The following KIF25 variants were observed in gnomAD, a reference collection of about 807,000 sequenced individuals.
KIF25 encodes the protein kinesin family member 25.
In KIF25, 19 loss-of-function variants were observed where a neutral mutation model predicts 32.9. The ratio of observed to expected loss-of-function variants is 0.58; its 90% CI spans 0.40 to 0.85. The LOEUF (loss-of-function observed/expected upper bound fraction) is 0.85, where lower values mean the gene tolerates loss of function less well. KIF25 is among the 40% of genes least tolerant of loss of function. KIF25 has a pLI of 0.00. For synonymous variants in KIF25, 225 were observed against 213.7 expected (o/e 1.05, Z -0.46); for missense variants, 485 against 507.0 (o/e 0.96, Z 0.42).
Position 168,028,313 on chromosome 6 carries a change from G to A in KIF25, c.-94-1179G>A, listed in dbSNP as rs558159305. On this transcript the variant is annotated intron_variant, in intron 5 of 12. Coordinates refer to ENST00000643607, the MANE Select transcript of KIF25 (RefSeq NM_030615.4). ...GATCTGTCCACCTTGGCCTCCCAAA[G>A]TGCTAGGATTACAGGCGTGAGCCAT... 2.0e-5 allele frequency among the ~76,000 whole-genome samples: 3 copies of A among 152,272 alleles called. No individual in the cohort carries two copies. The South Asian group carries it at 6.2e-4, about 32-fold the overall frequency.
intron 5 of KIF25, among the ~76,000 whole-genome samples, chr6:168,019,925 G>A (rs966867108): frequency 6.6e-6 from 1 of 152,170 alleles, no homozygotes. Flanking sequence ...ACGAGGTCAA[G>A]AGATCGAGAC....
At chr6:168,016,152 C>T (rs1798709889) in intron 4 of KIF25, among the ~76,000 whole-genome samples, 1 of 152,146 alleles carries the variant, frequency 6.6e-6, no homozygotes, top group African/African-American at 2.4e-5. Context: ...ACTGGGAGGT[C>T]TGTTCTTATG....
At chr6:168,014,000 A>AATATATATATATAT (rs56286678) in intron 4 of KIF25, among the ~76,000 whole-genome samples, 4 of 149,072 alleles carry the variant, frequency 2.7e-5, no homozygotes, top group African/African-American at 4.9e-5. Flanking sequence ...CCACCATGCA[A>AATATATATATATAT]ATATATATAT....
At chr6:168,013,374 C>T (rs1357871521) in intron 4 of KIF25, among the ~76,000 whole-genome samples, 2 of 151,956 alleles carry the variant, frequency 1.3e-5, no homozygotes, top group African/African-American at 4.8e-5. Flanking sequence ...GGGATCCATG[C>T]AGCTGGGGTT....
At chr6:168,010,529 G>T (rs1227651206) in intron 4 of KIF25, among the ~76,000 whole-genome samples, 1 of 152,070 alleles carries the variant, frequency 6.6e-6, no homozygotes, top group Non-Finnish European at 1.5e-5. Flanking sequence ...GTTGAGGCTT[G>T]TTTTGTGTCC....
chr6:168,038,456 C>A, intron 8 of KIF25, 97 bp from the exon 9 acceptor site: 2 of 1,248,150 alleles, frequency 1.6e-6, no homozygotes, highest in Non-Finnish European at 2.3e-6. Flanking sequence ...AGCAGTCTTA[C>A]TGAGCATCCT....
intron 4 of KIF25, among the ~76,000 whole-genome samples, chr6:168,017,152 G>T (rs1176906529): frequency 1.3e-5 from 2 of 152,194 alleles, no homozygotes; most frequent in Non-Finnish European, 2.9e-5. Flanking sequence ...CACAGCTTTT[G>T]TCTTTATAAA....
intron 5 of KIF25, among the ~76,000 whole-genome samples, chr6:168,027,491 A>G (rs1798879033): frequency 1.3e-5 from 2 of 150,496 alleles, no homozygotes; most frequent in Non-Finnish European, 3.0e-5. Context: ...AGAGAGAAAG[A>G]AAAAGGGAAA....
chr6:168,023,583 A>G (rs369711067), intron 5 of KIF25, among the ~76,000 whole-genome samples: 26 of 151,504 alleles, frequency 1.7e-4, no homozygotes, highest in African/African-American at 6.1e-4. Flanking sequence ...TGTATTTCTA[A>G]TAGAGACCGG....
At chr6:168,011,975 G>C (rs1798653564) in intron 4 of KIF25, among the ~76,000 whole-genome samples, 1 of 151,806 alleles carries the variant, frequency 6.6e-6, no homozygotes, top group African/African-American at 2.4e-5. Flanking sequence ...GCTCTCTATT[G>C]TATTTTTTAT....
At chr6:168,017,088 C>T (rs1487719891) in intron 4 of KIF25, among the ~76,000 whole-genome samples, 2 of 152,242 alleles carry the variant, frequency 1.3e-5, no homozygotes, top group East Asian at 3.8e-4. Context: ...ACTGCCCGTC[C>T]AGCAGTAAGC....
rs781032904 is a variant in KIF25 at position 168,045,010 on chromosome 6, T to G, written c.*14T>G. 12 of 1,576,428 alleles carry G rather than the reference T, an allele frequency of 7.6e-6. No homozygotes were observed. The highest frequency in any genetic ancestry group is 2.7e-5 in the African/African-American group (2 of 73,336). On this transcript the variant is annotated 3_prime_UTR_variant, in exon 13 of 13. Coordinates refer to ENST00000643607, the MANE Select transcript of KIF25 (RefSeq NM_030615.4). ...AGGCCGGATTGAATGCATTAACAAG[T>G]TTTTCTCCTAAAACTGTGTTTCTTG...
intron 9 of KIF25, among the ~76,000 whole-genome samples, chr6:168,039,351 G>T (rs994704918): frequency 6.6e-6 from 1 of 152,174 alleles, no homozygotes; most frequent in African/African-American, 2.4e-5. Flanking sequence ...TCTTGTAAAA[G>T]TGAGGATCCC....
At chr6:168,044,715 C>T (rs1411991821) in intron 12 of KIF25, 112 bp from the exon 13 acceptor site, 9 of 1,122,614 alleles carry the variant, frequency 8.0e-6, no homozygotes, top group East Asian at 2.4e-5. Context: ...CCCGCTGGGG[C>T]GCCGGGCGGC....
At chr6:168,043,458 C>T (rs527327202) in intron 12 of KIF25, among the ~76,000 whole-genome samples, 5 of 152,286 alleles carry the variant, frequency 3.3e-5, no homozygotes, top group South Asian at 4.1e-4. Context: ...GTGGAGGGGC[C>T]GCTGGTGCTC....
chr6:168,007,953 G>C (rs1157666748), intron 4 of KIF25, among the ~76,000 whole-genome samples: 1 of 152,106 alleles, frequency 6.6e-6, no homozygotes, highest in Admixed American at 6.5e-5. Context: ...GATTTCTGTG[G>C]GCCCACAGGC....
At chr6:168,041,770 A>G (rs1258350207) in intron 10 of KIF25, among the ~76,000 whole-genome samples, 199 bp from the exon 11 acceptor site, 1 of 152,224 alleles carries the variant, frequency 6.6e-6, no homozygotes, top group African/African-American at 2.4e-5. Context: ...CACAGTGAAG[A>G]AAGCTGCTTT....
At chr6:168,007,624 A>G (rs546503958) in intron 4 of KIF25, among the ~76,000 whole-genome samples, 28 of 152,310 alleles carry the variant, frequency 1.8e-4, no homozygotes, top group Admixed American at 1.6e-3. Flanking sequence ...AAGCTGGCCG[A>G]AAATAGCTGG....
In KIF25 at chr6:168,033,975, G is replaced by T. The variant is rs758085695; in HGVS notation, c.261G>T (p.Pro87=). 6.2e-7 allele frequency: 1 copy of T among 1,614,150 alleles called. No individual in the cohort carries two copies. Among genetic ancestry groups the T allele is most frequent in the East Asian group, 2.2e-5 (1 of 44,878 alleles). The part of the protein sequence containing the change: ...GRHSDDGPVL[P]LDPQSDLGII... The stretch of plus-strand genomic sequence containing the variant: ...ATTCGGACGACGGCCCTGTTCTGCC[G>T]CTTGACCCACAGAGTGACTTAGGAA... Residue 87 remains proline, a synonymous_variant, in exon 8 of 13, where the codon CCG becomes CCT. Coordinates refer to ENST00000643607, the MANE Select transcript of KIF25 (RefSeq NM_030615.4).
Sources: allele counts gnomAD v4.1 joint callset (sites outside exome capture counted in the v4.1 genomes callset), GRCh38; gene constraint gnomAD v4.1.1; transcripts MANE v1.5; gene names NCBI Gene and HGNC (gene_info 2026-07-23, HGNC 2026-07-21).